The following BTRC variants were observed in gnomAD, a reference collection of about 807,000 sequenced individuals.
The protein encoded by BTRC is beta-transducin repeat containing E3 ubiquitin protein ligase, also known as F-box/WD repeat-containing protein 1A.
BTRC carries 42 observed loss-of-function variants against 85.5 expected under a neutral mutation model. The ratio of observed to expected loss-of-function variants is 0.49; its 90% confidence interval spans 0.38 to 0.64. The LOEUF is 0.64. BTRC is among the 30% of genes least tolerant of loss of function. BTRC has a pLI of 0.00. For synonymous variants in BTRC, 255 were observed against 263.3 expected (o/e 0.97, Z 0.30); for missense variants, 594 against 743.5 (o/e 0.80, Z 2.34).
intron 8 of BTRC, among the ~76,000 whole-genome samples, 173 bp from the exon 9 acceptor site, chr10:101,532,779 T>C (rs146928555): frequency 0.054 from 4,373 of 81,508 alleles, 97 homozygotes; most frequent in Admixed American, 0.065. Context: ...TGTGTGTGTG[T>C]GTGTGTGTGT....
chr10:101,426,167 G>T (rs1327598274), intron 1 of BTRC, among the ~76,000 whole-genome samples: 2 of 152,144 alleles, frequency 1.3e-5, no homozygotes, highest in Non-Finnish European at 2.9e-5. Context: ...AGGGAAACAG[G>T]TAGAGTAAAA....
At chr10:101,427,917 A>G (rs1564765947) in intron 1 of BTRC, among the ~76,000 whole-genome samples, 1 of 152,188 alleles carries the variant, frequency 6.6e-6, no homozygotes, top group Non-Finnish European at 1.5e-5. Context: ...TTTTAGTATC[A>G]TTTACTTAAA....
intron 1 of BTRC, among the ~76,000 whole-genome samples, chr10:101,369,084 C>T (rs1942560681): frequency 6.6e-6 from 1 of 152,082 alleles, no homozygotes; most frequent in Non-Finnish European, 1.5e-5. Flanking sequence ...GGTACTATCC[C>T]ACCGTTTTAA....
At chr10:101,381,621 A>G (rs574987396) in intron 1 of BTRC, among the ~76,000 whole-genome samples, 1 of 152,330 alleles carries the variant, frequency 6.6e-6, no homozygotes, top group African/African-American at 2.4e-5. Context: ...TTTGAGAAAT[A>G]TAATTTTGAA....
intron 1 of BTRC, among the ~76,000 whole-genome samples, chr10:101,407,258 G>A (rs1444857723): frequency 6.6e-6 from 1 of 152,128 alleles, no homozygotes; most frequent in Non-Finnish European, 1.5e-5. Flanking sequence ...TGAGGCAGGA[G>A]GATCTCTTGA....
At chr10:101,487,742 G>A (rs1946027275) in intron 4 of BTRC, among the ~76,000 whole-genome samples, 1 of 152,134 alleles carries the variant, frequency 6.6e-6, no homozygotes, top group Non-Finnish European at 1.5e-5. Flanking sequence ...TTAATGAGAA[G>A]AACAGTGTTC....
intron 3 of BTRC, among the ~76,000 whole-genome samples, chr10:101,466,579 C>G (rs1221054032): frequency 6.6e-6 from 1 of 152,208 alleles, no homozygotes; most frequent in Non-Finnish European, 1.5e-5. Context: ...ATTCAAGCTT[C>G]CATCCTCTTC....
At chr10:101,415,382 CCCAGGCTGGTCTTGAACT>C (rs1326282404) in intron 1 of BTRC, among the ~76,000 whole-genome samples, 7 of 151,136 alleles carry the variant, frequency 4.6e-5, no homozygotes, top group African/African-American at 7.3e-5. Context: ...CACCATGTTG[CCCAGGCTGGTCTTGAACT>C]CCTGGACTCA....
chr10:101,517,850 A>G (rs2062043763), intron 4 of BTRC, among the ~76,000 whole-genome samples: 1 of 151,038 alleles, frequency 6.6e-6, no homozygotes, highest in Non-Finnish European at 1.5e-5. Flanking sequence ...CACCACCTCC[A>G]TAGCTACCAC....
chr10:101,445,574 T>C (rs144393393), intron 2 of BTRC, among the ~76,000 whole-genome samples: 26 of 152,332 alleles, frequency 1.7e-4, no homozygotes, highest in Non-Finnish European at 3.1e-4. Flanking sequence ...GGATCACTGG[T>C]ATGTAATAAT....
At chr10:101,443,748 TG>T (rs1200315948) in intron 2 of BTRC, among the ~76,000 whole-genome samples, 1 of 152,216 alleles carries the variant, frequency 6.6e-6, no homozygotes, top group Non-Finnish European at 1.5e-5. Flanking sequence ...GACTATAATT[TG>T]TACTTTTTAT....
intron 1 of BTRC, among the ~76,000 whole-genome samples, chr10:101,378,250 A>T (rs1309588210): frequency 6.6e-6 from 1 of 152,168 alleles, no homozygotes; most frequent in Non-Finnish European, 1.5e-5. Context: ...ATTGCTAATT[A>T]AATGTTTAGT....
At chr10:101,550,145 C>T (rs1470561916) in intron 13 of BTRC, among the ~76,000 whole-genome samples, 1 of 152,144 alleles carries the variant, frequency 6.6e-6, no homozygotes, top group African/African-American at 2.4e-5. Context: ...AAAGGGTTGG[C>T]CATGAGAAAC....
intron 1 of BTRC, among the ~76,000 whole-genome samples, chr10:101,370,081 T>C (rs1262886309): frequency 6.6e-6 from 1 of 152,214 alleles, no homozygotes; most frequent in African/African-American, 2.4e-5. Flanking sequence ...GCTGCCATGT[T>C]ACCTGCCATA....
intron 2 of BTRC, among the ~76,000 whole-genome samples, chr10:101,455,189 G>A (rs895952843): frequency 4.6e-5 from 7 of 150,708 alleles, no homozygotes; most frequent in Non-Finnish European, 3.0e-5. Context: ...TAGCTAGGAC[G>A]ACAAGCATGT....
At chr10:101,473,205 A>G (rs573603660) in intron 3 of BTRC, among the ~76,000 whole-genome samples, 9 of 121,846 alleles carry the variant, frequency 7.4e-5, no homozygotes, top group Non-Finnish European at 1.3e-4. Context: ...CAGTTTATCT[A>G]TCTTTTTTTT....
intron 4 of BTRC, among the ~76,000 whole-genome samples, chr10:101,483,335 C>G (rs899351532): frequency 2.6e-5 from 4 of 152,210 alleles, no homozygotes; most frequent in African/African-American, 9.7e-5. Context: ...TGGCTCACAC[C>G]TGTAATCCCA....
intron 14 of BTRC, among the ~76,000 whole-genome samples, chr10:101,552,920 T>C (rs2062674207): frequency 6.6e-6 from 1 of 152,186 alleles, no homozygotes; most frequent in Non-Finnish European, 1.5e-5. Flanking sequence ...AGAGTCACTC[T>C]GCTTGAACAC....
In BTRC at chr10:101,460,848, T is replaced by TAA. The variant is rs1945204483; in HGVS notation, c.157-1133_157-1132insAA. ...TCTGAACCTACAAATAAACTAACCC[T>TAA]CCTGTTAGAACGTTATGACTATATG... On this transcript the variant is annotated intron_variant, in intron 2 of 14. Transcript: ENST00000370187. Among the ~76,000 whole-genome samples the TAA allele has an allele frequency of 8.5e-5, 13 of 152,300 alleles. No homozygotes were observed. The South Asian group carries it at 2.3e-3, about 27-fold the overall frequency.
Sources: allele counts gnomAD v4.1 joint callset (sites outside exome capture counted in the v4.1 genomes callset), GRCh38; gene constraint gnomAD v4.1.1; transcripts MANE v1.5; gene names NCBI Gene and HGNC (gene_info 2026-07-23, HGNC 2026-07-21).